NOXRED1: variants seen among roughly 807,000 people sequenced by gnomAD.
NOXRED1 encodes NADP dependent oxidoreductase domain containing 1.
NOXRED1 carries 20 observed loss-of-function variants against 30.4 expected under a neutral mutation model. The ratio of observed to expected loss-of-function variants is 0.66; its 90% CI spans 0.46 to 0.96. The LOEUF (loss-of-function observed/expected upper bound fraction) is 0.96, where lower values mean the gene tolerates loss of function less well. NOXRED1 is among the 40% of genes least tolerant of loss of function. NOXRED1 has a pLI of 0.00. For missense variants in NOXRED1, 374 were observed against 428.0 expected, an observed-to-expected ratio of 0.87 and a Z score of 1.11; for synonymous variants, 155 against 168.0, an observed-to-expected ratio of 0.92 and a Z score of 0.60.
At chr14:77,396,193 A>G (rs570613108) in intron 5 of NOXRED1, among the ~76,000 whole-genome samples, 1 of 152,278 alleles carries the variant, frequency 6.6e-6, no homozygotes, top group Non-Finnish European at 1.5e-5. Context: ...GGAAGAAATG[A>G]AACCGTCTCT....
Position 77,405,987 on chromosome 14 carries a change from G to C in NOXRED1, c.831C>G (p.Asp277Glu). The change falls in exon 5 of 6, where the codon GAC becomes GAG. Residue 277 changes from aspartate to glutamate, a missense_variant. Transcript: ENST00000380835. ...ATTGCAACTTTGGGCAAGATGCTGT[G>C]TCTTTCCCACAGTCTTCAAAGTGCA... is the stretch of plus-strand genomic sequence containing the variant. Reference protein sequence around the residue: ...LSVHFEDCGKDTASCPKLQLT... With the variant: ...LSVHFEDCGKETASCPKLQLT... 1.2e-6 allele frequency: 2 copies of C among 1,613,808 alleles called. No homozygotes were observed. Among genetic ancestry groups the C allele is most frequent in the East Asian group, 2.2e-5 (1 of 44,890 alleles).
chr14:77,401,928 T>C (rs1894335615), intron 5 of NOXRED1, among the ~76,000 whole-genome samples: 1 of 152,316 alleles, frequency 6.6e-6, no homozygotes, highest in South Asian at 2.1e-4. Flanking sequence ...AGCAATATAA[T>C]GGAGAAAAGA....
intron 5 of NOXRED1, among the ~76,000 whole-genome samples, chr14:77,404,452 A>G (rs987952856): frequency 1.3e-5 from 2 of 152,228 alleles, no homozygotes; most frequent in African/African-American, 4.8e-5. Flanking sequence ...AAGAGCAGGT[A>G]TGTTTTTGGA....
chr14:77,421,771 T>C (rs1411071384), intron 1 of NOXRED1, among the ~76,000 whole-genome samples: 1 of 152,236 alleles, frequency 6.6e-6, no homozygotes, highest in East Asian at 1.9e-4. Context: ...ATATTTGTTC[T>C]GTATTTCTGT....
At chr14:77,420,432 C>G (rs1049069036) in intron 1 of NOXRED1, among the ~76,000 whole-genome samples, 1 of 151,502 alleles carries the variant, frequency 6.6e-6, no homozygotes, top group East Asian at 1.9e-4. Context: ...AGGCTGGTCT[C>G]AAACTCCTGG....
chr14:77,422,638 G>A, intron 1 of NOXRED1, 97 bp downstream of exon 1: 1 of 1,207,302 alleles, frequency 8.3e-7, no homozygotes. Context: ...CAATCCACCA[G>A]CCAAACTTAC....
At chr14:77,395,996 T>G (rs971675897) in intron 5 of NOXRED1, among the ~76,000 whole-genome samples, 2 of 151,860 alleles carry the variant, frequency 1.3e-5, no homozygotes, top group Non-Finnish European at 2.9e-5. Flanking sequence ...AGAAGAGGAT[T>G]GCTTGAGCCC....
At chr14:77,411,482 A>C (rs1471491727) in intron 2 of NOXRED1, among the ~76,000 whole-genome samples, 11 of 129,276 alleles carry the variant, frequency 8.5e-5, no homozygotes, top group African/African-American at 2.7e-4. Context: ...AAAAAAAAAA[A>C]AAAAAAAAAC....
At chr14:77,402,440 A>G (rs1311668582) in intron 5 of NOXRED1, among the ~76,000 whole-genome samples, 2 of 152,162 alleles carry the variant, frequency 1.3e-5, no homozygotes, top group Admixed American at 1.3e-4. Context: ...AGCCTGACTA[A>G]CATGGAGAAA....
At chr14:77,411,883 G>C (rs1894663560) in intron 2 of NOXRED1, among the ~76,000 whole-genome samples, 1 of 152,124 alleles carries the variant, frequency 6.6e-6, no homozygotes, top group Admixed American at 6.5e-5. Context: ...CCTGAGGTCA[G>C]GAGTACAAGA....
intron 1 of NOXRED1, among the ~76,000 whole-genome samples, chr14:77,415,681 C>A (rs1280214103): frequency 1.3e-5 from 2 of 150,928 alleles, no homozygotes; most frequent in Non-Finnish European, 2.9e-5. Context: ...CTCTTTAGAA[C>A]CTTTCCATCT....
At chr14:77,399,206 C>G (rs1894262376) in intron 5 of NOXRED1, among the ~76,000 whole-genome samples, 1 of 151,998 alleles carries the variant, frequency 6.6e-6, no homozygotes, top group South Asian at 2.1e-4. Context: ...TCCTGTAATC[C>G]CAGCAATCTG....
In NOXRED1 at chr14:77,422,752, T is replaced by C. The variant is rs1375170881; in HGVS notation, c.138A>G (p.Lys46=). The change falls in exon 1 of 6, where the codon AAA becomes AAG. Residue 46 remains lysine (K), a synonymous_variant. Coordinates refer to ENST00000380835, the MANE Select transcript of NOXRED1 (RefSeq NM_001113475.3). ...CGGCTTACCTCAAATTATATAATAG[T>C]TTGCAGAAGAAGGTTGCATGGGCAC... The part of the protein sequence containing the change: ...EACAHATFFC[K]LLYNLRASLN... 2 of 1,614,174 alleles carry C rather than the reference T, an allele frequency of 1.2e-6. No individual in the cohort carries two copies. Among genetic ancestry groups the C allele is most frequent in the Admixed American group, 3.3e-5 (2 of 60,022 alleles).
At chr14:77,416,842 C>A (rs1274204253) in intron 1 of NOXRED1, among the ~76,000 whole-genome samples, 2 of 150,536 alleles carry the variant, frequency 1.3e-5, no homozygotes, top group African/African-American at 4.9e-5. Flanking sequence ...CTGACCCCCC[C>A]ACCTCCCTCC....
Position 77,394,813 on chromosome 14 carries a change from G to GA in NOXRED1, c.906-9dup. 3 of 1,598,540 alleles carry GA rather than the reference G, an allele frequency of 1.9e-6. No homozygotes were observed. Among genetic ancestry groups the GA allele is most frequent in the Non-Finnish European group, 2.6e-6 (3 of 1,171,790 alleles). ...TCAAACCAGGGGAAAGGCCTGAGGT[G>GA]AAAAAAATATTGTTACTTTTTTATG... On this transcript the variant is annotated splice_polypyrimidine_tract_variant and intron_variant, in intron 5 of 5. Transcript: ENST00000380835.
upstream of NOXRED1, among the ~76,000 whole-genome samples, chr14:77,425,512 A>G (rs1258363830): frequency 6.6e-6 from 1 of 152,238 alleles, no homozygotes; most frequent in Non-Finnish European, 1.5e-5. Context: ...TTTTAGTACA[A>G]TCTAGCAAAT....
upstream of NOXRED1, among the ~76,000 whole-genome samples, chr14:77,423,698 G>C (rs1377516548): frequency 6.6e-6 from 1 of 152,152 alleles, no homozygotes; most frequent in Non-Finnish European, 1.5e-5. Flanking sequence ...AGCAGTATGA[G>C]ACCCTCCTTT....
intron 5 of NOXRED1, 115 bp from the exon 6 acceptor site, chr14:77,394,920 A>G: frequency 1.5e-6 from 1 of 649,560 alleles, no homozygotes; most frequent in Non-Finnish European, 2.6e-6. Context: ...AACTAGAAAC[A>G]TTAATACCTT....
intron 1 of NOXRED1, among the ~76,000 whole-genome samples, chr14:77,418,466 T>C (rs1358392668): frequency 1.3e-5 from 2 of 151,164 alleles, no homozygotes; most frequent in Non-Finnish European, 2.9e-5. Context: ...ATATTTATAC[T>C]TATTGATATT....
Sources: gnomAD v4.1 joint callset for allele counts (sites outside exome capture counted in the v4.1 genomes callset) on GRCh38, gnomAD v4.1.1 for gene constraint, MANE v1.5 for transcripts, NCBI Gene and HGNC (gene_info 2026-07-23, HGNC 2026-07-21) for gene names.